Variants in TMEM182 observed in about 807,000 individuals in gnomAD.
TMEM182 encodes the protein transmembrane protein 182.
TMEM182 carries 20 observed loss-of-function variants against 26.8 expected under a neutral mutation model. The ratio of observed to expected loss-of-function variants is 0.75; its 90% CI spans 0.53 to 1.09. TMEM182 has a LOEUF of 1.09. Among genes scored for constraint, TMEM182 ranks in the 50% least tolerant of loss-of-function variants. The pLI is 0.00. For missense variants in TMEM182, 277 were observed against 275.5 expected (o/e 1.01, Z -0.04); for synonymous variants, 109 against 102.2 (o/e 1.07, Z -0.40).
intron 1 of TMEM182, among the ~76,000 whole-genome samples, chr2:102,751,260 G>A (rs1019692601): frequency 3.3e-5 from 5 of 152,086 alleles, no homozygotes; most frequent in African/African-American, 7.2e-5. Flanking sequence ...TTGAGGAGGC[G>A]GTGTCTGATT....
At chr2:102,775,234 A>G (rs1217467842) in intron 3 of TMEM182, 1 of 152,206 alleles carries the variant, frequency 6.6e-6, no homozygotes, top group East Asian at 1.9e-4. Flanking sequence ...CTGGTTCAAT[A>G]TATGCAAATC....
chr2:102,771,045 A>G (rs926742104), intron 3 of TMEM182, among the ~76,000 whole-genome samples: 1 of 152,162 alleles, frequency 6.6e-6, no homozygotes, highest in Non-Finnish European at 1.5e-5. Flanking sequence ...GGTCTTATTT[A>G]TCAGTTTTTT....
In TMEM182 at chr2:102,825,422, T is replaced by C. The variant is rs111898205; in HGVS notation, c.326-17990T>C. 8.5e-3 allele frequency among the ~76,000 whole-genome samples: 1,291 copies of C among 152,330 alleles called. 19 individuals are homozygous for C. The highest frequency in any genetic ancestry group is 0.03 in the African/African-American group (1,242 of 41,568). ...AACTTAGTTTTTTACCTAATTGTAT[T>C]GTTTTAACATTTTTCGTGTCTTTAA... On this transcript the variant is annotated intron_variant, in intron 3 of 3. Transcript: ENST00000486293.
intron 2 of TMEM182, among the ~76,000 whole-genome samples, chr2:102,763,693 G>A (rs775907936): frequency 1.3e-5 from 2 of 152,182 alleles, no homozygotes; most frequent in Non-Finnish European, 2.9e-5. Context: ...GTAAAGGGAA[G>A]TAAGTCAGAC....
chr2:102,800,174 T>C (rs1356338770), intron 4 of TMEM182, among the ~76,000 whole-genome samples: 1 of 152,202 alleles, frequency 6.6e-6, no homozygotes, highest in African/African-American at 2.4e-5. Context: ...ACCTACCATT[T>C]TGATGTGTAT....
chr2:102,798,020 T>C lies in TMEM182; in HGVS notation c.469+20T>C. 6.3e-7 allele frequency: 1 copy of C among 1,586,290 alleles called. No homozygotes were observed. Among genetic ancestry groups the C allele is most frequent in the Non-Finnish European group, 8.5e-7 (1 of 1,170,878 alleles). ...CTGCAGGTACGTACGGTGCAATGGGTATGACTTTCAGCCACGGTTTTTCTT... is the reference window on the plus strand; with the variant it reads ...CTGCAGGTACGTACGGTGCAATGGGCATGACTTTCAGCCACGGTTTTTCTT... On this transcript the variant is annotated intron_variant, in intron 4 of 4. Transcript: ENST00000412401.
intron 3 of TMEM182, among the ~76,000 whole-genome samples, chr2:102,796,312 A>G (rs1018800927): frequency 1.1e-4 from 16 of 152,312 alleles, no homozygotes; most frequent in African/African-American, 3.9e-4. Flanking sequence ...CAGTCCTTAT[A>G]TGGTTGCTTG....
intron 3 of TMEM182, among the ~76,000 whole-genome samples, chr2:102,841,246 G>A (rs376922821): frequency 1.2e-4 from 18 of 152,156 alleles, no homozygotes; most frequent in African/African-American, 4.3e-4. Flanking sequence ...CCAACTCCGA[G>A]GGGCACCAGG....
At chr2:102,806,446 C>CGT (rs1412694524) in intron 4 of TMEM182, among the ~76,000 whole-genome samples, 1 of 152,096 alleles carries the variant, frequency 6.6e-6, no homozygotes, top group Non-Finnish European at 1.5e-5. Flanking sequence ...GGTGCCACCT[C>CGT]GTGGAGAGTT....
At chr2:102,781,236 T>C (rs762645111) in intron 3 of TMEM182, among the ~76,000 whole-genome samples, 1 of 152,182 alleles carries the variant, frequency 6.6e-6, no homozygotes, top group Non-Finnish European at 1.5e-5. Context: ...GGGCTGGGTA[T>C]GGGGTGTAAG....
chr2:102,835,314 A>T (rs1683224078), intron 3 of TMEM182, among the ~76,000 whole-genome samples: 1 of 152,222 alleles, frequency 6.6e-6, no homozygotes, highest in Non-Finnish European at 1.5e-5. Context: ...CATTTTTTAC[A>T]GTAGTTTTAG....
Position 102,816,577 on chromosome 2 carries a change from G to C in TMEM182, c.*1609G>C. 1 of 984,498 alleles carries C rather than the reference G, an allele frequency of 1.0e-6. No homozygotes were observed. Among genetic ancestry groups the C allele is most frequent in the Non-Finnish European group, 1.2e-6 (1 of 829,622 alleles). 61.0% of individuals were successfully genotyped at this position (984,498 alleles called of 1,614,324 possible). A position where few individuals can be genotyped will look rare whatever the true frequency, so the allele number is the denominator to read the frequency against. ...TCCAGAGGCCTAACTGGTTTCTCAA[G>C]TCATTTCAGTGATATCATTGAAACG... On this transcript the variant is annotated 3_prime_UTR_variant, in exon 5 of 5. Transcript: ENST00000412401.
At chr2:102,778,677 G>A (rs1000625014) in intron 3 of TMEM182, among the ~76,000 whole-genome samples, 6 of 144,572 alleles carry the variant, frequency 4.2e-5, no homozygotes, top group African/African-American at 5.2e-5. Flanking sequence ...TATAATCATC[G>A]GTTTAGCTAT....
chr2:102,758,487 C>G (rs1374960511), upstream of TMEM182: 2 of 716,966 alleles, frequency 2.8e-6, no homozygotes, highest in East Asian at 5.4e-5. Context: ...AGCTCCATTT[C>G]ATGTCTTCAT....
chr2:102,818,394 C>T (rs1025789354), downstream of TMEM182, among the ~76,000 whole-genome samples: 1 of 152,022 alleles, frequency 6.6e-6, no homozygotes, highest in Non-Finnish European at 1.5e-5. Context: ...AGCAAAGGGA[C>T]ATTTAATTTG....
chr2:102,824,832 A>G (rs1683000171), intron 3 of TMEM182, among the ~76,000 whole-genome samples: 1 of 152,090 alleles, frequency 6.6e-6, no homozygotes, highest in Admixed American at 6.5e-5. Flanking sequence ...TCTGAAAACA[A>G]AACAAAACAA....
chr2:102,793,034 T>C (rs184630974), intron 3 of TMEM182, among the ~76,000 whole-genome samples: 1 of 152,210 alleles, frequency 6.6e-6, no homozygotes, highest in African/African-American at 2.4e-5. Flanking sequence ...CTGCCGTCTG[T>C]GTGACCTGGT....
chr2:102,765,168 A>G (rs1423343865), intron 3 of TMEM182, among the ~76,000 whole-genome samples: 1 of 152,236 alleles, frequency 6.6e-6, no homozygotes, highest in Non-Finnish European at 1.5e-5. Context: ...ATGTATATAC[A>G]TATGCATGTG....
At chr2:102,796,979 G>T (rs1216302192) in intron 3 of TMEM182, among the ~76,000 whole-genome samples, 2 of 152,140 alleles carry the variant, frequency 1.3e-5, no homozygotes, top group African/African-American at 2.4e-5. Context: ...ATACTATCAA[G>T]AATTTATTTT....
Sources: gnomAD v4.1 joint callset for allele counts (sites outside exome capture counted in the v4.1 genomes callset) on GRCh38, gnomAD v4.1.1 for gene constraint, MANE v1.5 for transcripts, NCBI Gene and HGNC (gene_info 2026-07-23, HGNC 2026-07-21) for gene names.